PARVB: variants seen among roughly 807,000 people sequenced by gnomAD.
PARVB encodes beta-parvin.
A neutral mutation model predicts 47.0 loss-of-function variants in PARVB; 46 were observed. The observed-to-expected ratio is 0.98, with a 90% CI of 0.77 to 1.25. PARVB has a LOEUF of 1.25. Among genes scored for constraint, PARVB ranks in the 50% most tolerant of loss-of-function variants. The probability of loss-of-function intolerance (pLI) is 0.00; values close to 1 mark genes in which losing one functional copy is unlikely to be tolerated. For synonymous variants in PARVB, 196 were observed against 196.3 expected (o/e 1.00, Z 0.01); for missense variants, 473 against 471.6 (o/e 1.00, Z -0.03).
At chr22:44,160,340 G>A (rs964581499) in intron 11 of PARVB, among the ~76,000 whole-genome samples, 1 of 152,206 alleles carries the variant, frequency 6.6e-6, no homozygotes, top group Non-Finnish European at 1.5e-5. Context: ...CCAGCCCAGG[G>A]TTGCACGGCC....
At chr22:44,073,021 G>C (rs968890963) in intron 1 of PARVB, among the ~76,000 whole-genome samples, 4 of 152,160 alleles carry the variant, frequency 2.6e-5, no homozygotes, top group African/African-American at 9.7e-5. Flanking sequence ...AGCAGGGCCT[G>C]TATCTAAGTC....
upstream of PARVB, among the ~76,000 whole-genome samples, chr22:44,021,811 AC>A (rs1458631213): frequency 7.0e-6 from 1 of 142,642 alleles, no homozygotes; most frequent in Non-Finnish European, 1.5e-5. Flanking sequence ...ACACACACAC[AC>A]ACACAGGGCC....
chr22:44,130,047 A>C (rs973427539), intron 4 of PARVB, among the ~76,000 whole-genome samples: 1 of 152,234 alleles, frequency 6.6e-6, no homozygotes. Context: ...GGGAGATAAC[A>C]CTGAAGACAT....
intron 9 of PARVB, 49 bp from the exon 10 acceptor site, chr22:44,151,434 C>T (rs1020514488): frequency 1.4e-6 from 2 of 1,416,378 alleles, no homozygotes; most frequent in African/African-American, 2.8e-5. Flanking sequence ...CCAGATGGGA[C>T]CTGCATGCGG....
At chr22:44,006,290 G>A (rs903703673) in intron 2 of PARVB, among the ~76,000 whole-genome samples, 11 of 150,066 alleles carry the variant, frequency 7.3e-5, no homozygotes, top group Non-Finnish European at 1.5e-4. Flanking sequence ...AGCATCTTAC[G>A]CCACTCCAAG....
chr22:44,058,471 C>T (rs945099167), intron 1 of PARVB, among the ~76,000 whole-genome samples: 15 of 152,208 alleles, frequency 9.9e-5, no homozygotes, highest in African/African-American at 3.1e-4. Flanking sequence ...TGACCTCATC[C>T]GAACTTGATT....
intron 10 of PARVB, 117 bp from the exon 11 acceptor site, chr22:44,157,865 C>G: frequency 2.9e-6 from 2 of 689,770 alleles, no homozygotes; most frequent in Non-Finnish European, 5.2e-6. Context: ...TGCACTCCAG[C>G]CTGGGTGACA....
rs2051688379 is a variant in PARVB, at chr22:44,073,019, CT to C, written c.113-20908del. ...GGTGCTGGAGCCCTCAGAGCAGGGC[CT>C]GTATCTAAGTCCCCCTGTGGCCCAC... is the stretch of plus-strand genomic sequence containing the variant. On this transcript the variant is annotated intron_variant, in intron 1 of 12. Coordinates refer to ENST00000338758, the MANE Select transcript of PARVB (RefSeq NM_013327.5). Among the ~76,000 whole-genome samples the C allele has an allele frequency of 4.6e-5, 7 of 152,300 alleles. No individual in the cohort carries two copies. The South Asian group carries it at 6.2e-4, about 14-fold the overall frequency.
At chr22:44,006,482 G>A (rs1054658318) in intron 2 of PARVB, among the ~76,000 whole-genome samples, 7 of 152,158 alleles carry the variant, frequency 4.6e-5, no homozygotes, top group African/African-American at 1.4e-4. Flanking sequence ...AAAATCAGTC[G>A]GGCGTGGTGG....
intron 1 of PARVB, among the ~76,000 whole-genome samples, chr22:44,083,419 G>A (rs1240403340): frequency 2.0e-5 from 3 of 152,156 alleles, no homozygotes; most frequent in South Asian, 4.2e-4. Flanking sequence ...TTGCGGGGTC[G>A]GGGGGTGCAG....
intron 9 of PARVB, chr22:44,148,146 C>G (rs2053727511): frequency 1.7e-6 from 1 of 575,062 alleles, no homozygotes; most frequent in South Asian, 2.0e-5. Context: ...CCCGCCCGCT[C>G]CGCTTCTGTT....
In PARVB at chr22:44,130,286, A is replaced by G. The variant is rs189513676; in HGVS notation, c.377-1201A>G. 7.2e-5 allele frequency among the ~76,000 whole-genome samples: 11 copies of G among 152,264 alleles called. No individual in the cohort carries two copies. The East Asian group carries it at 2.1e-3, about 29-fold the overall frequency. On this transcript the variant is annotated intron_variant, in intron 4 of 12. Transcript: ENST00000338758. ...TGACGTCGCTTTTGTTGTTTTGCAG[A>G]GTGGATCTATCAGTAAACACTGGAG... is the stretch of plus-strand genomic sequence containing the variant.
intron 11 of PARVB, 93 bp downstream of exon 11, chr22:44,158,176 G>A (rs1373586900): frequency 1.1e-5 from 9 of 811,852 alleles, no homozygotes; most frequent in South Asian, 9.6e-5. Flanking sequence ...CCTGCAGCCT[G>A]GCTGCATTCT....
At chr22:44,104,578 G>C (rs2052526595) in intron 3 of PARVB, 1 of 152,432 alleles carries the variant, frequency 6.6e-6, no homozygotes, top group Non-Finnish European at 1.5e-5. Context: ...GTCTGGATTT[G>C]CTTGTGTTCA....
At position 44,068,955 on chromosome 22, in the gene PARVB, C is replaced by A. The variant is rs374687101; in HGVS notation, c.113-24973C>A. ...ATAGTGGTCTGTGGTCAGCAAGGAG[C>A]TATCGCTGGAAACACCCCGGTCCTT... is the stretch of plus-strand genomic sequence containing the variant. On this transcript the variant is annotated intron_variant, in intron 1 of 12. Transcript: ENST00000338758. This position sits in a 1 kb window ranked among gnomAD's most constrained non-coding sequence, Gnocchi z 4.1. 4 of 601,092 alleles carry A rather than the reference C, an allele frequency of 6.7e-6. No individual in the cohort carries two copies. Among genetic ancestry groups the A allele is most frequent in the Non-Finnish European group, 1.2e-5 (4 of 339,548 alleles). The allele number at this position is 601,092 out of a possible 1,614,324, so 37.2% of individuals were successfully genotyped here. A position where few individuals can be genotyped will look rare whatever the true frequency, so the allele number is the denominator to read the frequency against.
chr22:44,067,242 C>T (rs1477289846), intron 1 of PARVB, among the ~76,000 whole-genome samples: 3 of 152,218 alleles, frequency 2.0e-5, no homozygotes, highest in Admixed American at 6.5e-5. Flanking sequence ...GCAGTCGATG[C>T]ATACAGGGTG....
chr22:44,110,469 T>A (rs927835686), intron 3 of PARVB: 1 of 152,228 alleles, frequency 6.6e-6, no homozygotes, highest in Non-Finnish European at 1.5e-5. Context: ...TCCCACAGTT[T>A]CGACGACTGG....
At chr22:44,056,474 G>T (rs374397099) in intron 1 of PARVB, among the ~76,000 whole-genome samples, 33 of 152,144 alleles carry the variant, frequency 2.2e-4, no homozygotes, top group Non-Finnish European at 2.9e-4. Context: ...CAGATTTTTT[G>T]TTGTTGTTGT....
intron 3 of PARVB, chr22:44,107,602 T>G (rs6006648): frequency 0.71 from 107,962 of 152,100 alleles, 39,486 homozygotes; most frequent in African/African-American, 0.91. Flanking sequence ...GAGGGTTGGG[T>G]CTATCAGTCC....
Sources: gnomAD v4.1 joint callset for allele counts (sites outside exome capture counted in the v4.1 genomes callset) on GRCh38, gnomAD v4.1.1 for gene constraint, Gnocchi (gnomAD v3.1) non-coding constraint, MANE v1.5 for transcripts, NCBI Gene and HGNC (gene_info 2026-07-23, HGNC 2026-07-21) for gene names.